The following TRAPPC9 variants were observed in gnomAD, a reference collection of about 807,000 sequenced individuals.
TRAPPC9 encodes the protein trafficking protein particle complex subunit 9.
A neutral mutation model predicts 124.0 loss-of-function variants in TRAPPC9; 83 were observed. The observed-to-expected ratio is 0.67, with a 90% CI of 0.56 to 0.80. The LOEUF (loss-of-function observed/expected upper bound fraction) is 0.80, where lower values mean the gene tolerates loss of function less well. TRAPPC9 is among the 30% of genes least tolerant of loss of function. The pLI is 0.00. For synonymous variants in TRAPPC9, 638 were observed against 617.5 expected, an observed-to-expected ratio of 1.03 and a Z score of -0.49; for missense variants, 1,302 against 1,508.3, an observed-to-expected ratio of 0.86 and a Z score of 2.27.
chr8:140,111,969 A>G (rs770852994), intron 17 of TRAPPC9, among the ~76,000 whole-genome samples: 33 of 152,404 alleles, frequency 2.2e-4, no homozygotes, highest in Middle Eastern at 3.4e-3. Flanking sequence ...CGCAGGCGCC[A>G]TGGCAGGACT....
At chr8:140,021,882 T>A (rs1199176199) in intron 18 of TRAPPC9, among the ~76,000 whole-genome samples, 1 of 152,216 alleles carries the variant, frequency 6.6e-6, no homozygotes, top group Admixed American at 6.5e-5. Flanking sequence ...GAATAAAGCA[T>A]CTTCATTTAA....
At chr8:139,990,890 T>C (rs1365200781) in intron 18 of TRAPPC9, among the ~76,000 whole-genome samples, 2 of 152,158 alleles carry the variant, frequency 1.3e-5, no homozygotes, top group South Asian at 2.1e-4. Context: ...CCCGGCCACA[T>C]GTCACCATTT....
At chr8:140,072,599 G>GAGGAGAAGGGA (rs1843246755) in intron 17 of TRAPPC9, among the ~76,000 whole-genome samples, 4 of 34,408 alleles carry the variant, frequency 1.2e-4, no homozygotes, top group African/African-American at 3.2e-4. Flanking sequence ...AGGGAAGGAG[G>GAGGAGAAGGGA]AGGAGGAGGA....
chr8:140,258,831 G>A (rs2064330212), intron 15 of TRAPPC9, among the ~76,000 whole-genome samples: 1 of 152,252 alleles, frequency 6.6e-6, no homozygotes, highest in South Asian at 2.1e-4. Flanking sequence ...TTGGAAGTGT[G>A]TGCCAACTTC....
chr8:140,402,461 G>A (rs865774835), intron 6 of TRAPPC9, among the ~76,000 whole-genome samples: 2 of 147,696 alleles, frequency 1.4e-5, no homozygotes, highest in East Asian at 2.1e-4. Context: ...TGGGAGGCCC[G>A]AAGCAGGCAG....
rs895264979 is a variant in TRAPPC9 at position 140,457,618 on chromosome 8, GC to G, written c.-11+20del. On this transcript the variant is annotated intron_variant, in intron 1 of 22. Transcript: ENST00000438773. The stretch of plus-strand genomic sequence containing the variant: ...GCCGGTCCGAATTGCCTGACCGGGA[GC>G]CCCCCCGCTTTGCACTTACACAGCC... 13 of 985,608 alleles carry G rather than the reference GC, an allele frequency of 1.3e-5. No homozygotes were observed. Among genetic ancestry groups the G allele is most frequent in the East Asian group, 1.1e-4 (1 of 8,796 alleles). 61.1% of individuals were successfully genotyped at this position (985,608 alleles called of 1,614,324 possible).
chr8:140,123,433 G>A (rs2061024298), intron 17 of TRAPPC9, among the ~76,000 whole-genome samples: 1 of 152,136 alleles, frequency 6.6e-6, no homozygotes, highest in South Asian at 2.1e-4. Context: ...GCATGGCCTT[G>A]CAGAACCCAG....
chr8:140,177,835 A>G (rs1386556827), intron 17 of TRAPPC9, among the ~76,000 whole-genome samples: 1 of 152,072 alleles, frequency 6.6e-6, no homozygotes, highest in African/African-American at 2.4e-5. Flanking sequence ...GAGAAAATGT[A>G]TATTTTCTTG....
At chr8:140,184,169 T>C (rs903818549) in intron 17 of TRAPPC9, among the ~76,000 whole-genome samples, 3 of 152,104 alleles carry the variant, frequency 2.0e-5, no homozygotes, top group African/African-American at 7.2e-5. Context: ...GGCAGACATA[T>C]CCGTGAGGCC....
At chr8:140,137,024 C>CAGAAATGACA (rs2061315253) in intron 17 of TRAPPC9, among the ~76,000 whole-genome samples, 1 of 152,020 alleles carries the variant, frequency 6.6e-6, no homozygotes, top group Non-Finnish European at 1.5e-5. Context: ...CTGGACAGGA[C>CAGAAATGACA]AGAAATGACA....
chr8:140,029,233 T>C (rs1279200497), intron 17 of TRAPPC9, among the ~76,000 whole-genome samples: 1 of 152,168 alleles, frequency 6.6e-6, no homozygotes, highest in Non-Finnish European at 1.5e-5. Flanking sequence ...GGCCAGGCAT[T>C]GCGGCTCATG....
Position 139,907,171 on chromosome 8 carries a change from G to A in TRAPPC9, c.2964+2976C>T. On this transcript the variant is annotated intron_variant, in intron 20 of 22. Transcript: ENST00000438773. This position sits in a 1 kb window ranked among gnomAD's most constrained non-coding sequence, Gnocchi z 4.7. Reference sequence around the variant, plus strand: ...TTGTCATTAACAGGTGAAGAGTGGGGTGAGAGCTCCCGGCAGCCCTGGGCT... The same window carrying A: ...TTGTCATTAACAGGTGAAGAGTGGGATGAGAGCTCCCGGCAGCCCTGGGCT... Among the ~76,000 whole-genome samples, 1 of 152,098 alleles carries A rather than the reference G, an allele frequency of 6.6e-6. No individual in the cohort carries two copies. Among genetic ancestry groups the A allele is most frequent in the Non-Finnish European group, 1.5e-5 (1 of 68,022 alleles).
At chr8:139,859,331 T>C (rs1207833137) in intron 21 of TRAPPC9, among the ~76,000 whole-genome samples, 3 of 152,156 alleles carry the variant, frequency 2.0e-5, no homozygotes, top group African/African-American at 7.2e-5. Flanking sequence ...CTTCCATTTT[T>C]GGATGCAGCA....
rs765761839 is a variant in TRAPPC9 at position 140,287,573 on chromosome 8, C to T, written c.1981+35G>A. The T allele has an allele frequency of 6.2e-6, 10 of 1,613,902 alleles. No homozygotes were observed. The East Asian group carries it at 1.6e-4, about 25-fold the overall frequency. On this transcript the variant is annotated intron_variant, in intron 13 of 22. Coordinates refer to ENST00000438773, the MANE Select transcript of TRAPPC9 (RefSeq NM_001160372.4). ...AGGCCATGCAAGGGTTCAGCAGACC[C>T]TCCTGAGCAGGAAGCATGAAGGGAC...
In TRAPPC9 at chr8:140,283,815, T is replaced by TA. The variant is rs368141971; in HGVS notation, c.2114+73dup. 0.084 allele frequency: 109,922 copies of TA among 1,311,170 alleles called. 48 individuals are homozygous for TA. Among genetic ancestry groups the TA allele is most frequent in the Non-Finnish European group, 0.092 (86,557 of 940,024 alleles). 81.2% of individuals were successfully genotyped at this position (1,311,170 alleles called of 1,614,324 possible). On this transcript the variant is annotated intron_variant, in intron 14 of 22. Transcript: ENST00000438773. ...AAGAATTACAGGCTCTTTGTGCCAT[T>TA]AAAAAAAAAAAAAATGTAGGACCAA...
intron 21 of TRAPPC9, among the ~76,000 whole-genome samples, chr8:139,760,736 G>A (rs371571642): frequency 2.6e-5 from 4 of 152,134 alleles, no homozygotes; most frequent in Non-Finnish European, 5.9e-5. Context: ...CGTGGATGGC[G>A]ACAGGCAAAA....
chr8:139,990,885 C>A (rs1027537283), intron 18 of TRAPPC9, among the ~76,000 whole-genome samples: 7 of 152,168 alleles, frequency 4.6e-5, no homozygotes, highest in Admixed American at 2.0e-4. Context: ...CGGCACCCGG[C>A]CACATGTCAC....
chr8:139,740,182 G>A (rs955183365), intron 21 of TRAPPC9, among the ~76,000 whole-genome samples: 15 of 152,186 alleles, frequency 9.9e-5, no homozygotes, highest in African/African-American at 3.4e-4. Flanking sequence ...TCCTCAAGGC[G>A]TCACATCGGC....
At chr8:139,766,936 GTCCTCACCTGCA>G (rs904609248) in intron 21 of TRAPPC9, among the ~76,000 whole-genome samples, 2 of 152,192 alleles carry the variant, frequency 1.3e-5, no homozygotes, top group African/African-American at 2.4e-5. Flanking sequence ...GCTCTCTTGC[GTCCTCACCTGCA>G]TGTCTGTGCC....
Sources: allele counts gnomAD v4.1 joint callset (sites outside exome capture counted in the v4.1 genomes callset), GRCh38; gene constraint gnomAD v4.1.1; non-coding constraint Gnocchi (gnomAD v3.1); transcripts MANE v1.5; gene names NCBI Gene and HGNC (gene_info 2026-07-23, HGNC 2026-07-21).